PRR14: variants seen among roughly 807,000 people sequenced by gnomAD.
PRR14 encodes the protein proline-rich protein 14.
Under a neutral mutation model 57.2 loss-of-function variants are expected in PRR14, and 33 were observed. That is an observed-to-expected ratio of 0.58 (90% confidence interval 0.44 to 0.77). The LOEUF is 0.77. PRR14 is among the 30% of genes least tolerant of loss of function. PRR14 has a pLI of 0.00. For synonymous variants in PRR14, 303 were observed against 314.7 expected (o/e 0.96, Z 0.39); for missense variants, 716 against 788.1 (o/e 0.91, Z 1.10).
chr16:30,654,268 C>T lies in PRR14; in HGVS notation c.587C>T (p.Pro196Leu), dbSNP rs755543812. The change falls in exon 7 of 12, where the codon CCA (proline) becomes CTA (leucine). Residue 196 changes from proline (P) to leucine (L), a missense_variant. Transcript: ENST00000300835. ...PMRIVRQPTP[P>L]PGDLEPPFQP... is the part of the protein sequence containing the mutation. ...AGGATAGTTCGCCAGCCAACGCCTCCACCTGGGGACCTAGAACCCCCATTC... is the reference window on the plus strand; with the variant it reads ...AGGATAGTTCGCCAGCCAACGCCTCTACCTGGGGACCTAGAACCCCCATTC... The T allele has an allele frequency of 1.9e-6, 3 of 1,614,160 alleles. No individual in the cohort carries two copies. Among genetic ancestry groups the T allele is most frequent in the Admixed American group, 1.7e-5 (1 of 60,010 alleles).
chr16:30,650,855 A>G (rs1489247588), upstream of PRR14: 20 of 323,046 alleles, frequency 6.2e-5, no homozygotes, highest in Admixed American at 5.5e-4. Context: ...AGAGGGCGGG[A>G]GTGGGGGCGG....
Position 30,651,037 on chromosome 16 carries a change from G to C in PRR14, c.-141G>C, listed in dbSNP as rs542860580. On this transcript the variant is annotated 5_prime_UTR_variant, in exon 1 of 12. Transcript: ENST00000300835. This position sits in a 1 kb window ranked among gnomAD's most constrained non-coding sequence, Gnocchi z 5.0. ...GCTGAGTTCGGAGATGCTCCAGCTC[G>C]GGCCGCCCCTGTCTGAGCGGAGCTT... The C allele has an allele frequency of 5.0e-5, 23 of 456,384 alleles. No homozygotes were observed. The highest frequency in any genetic ancestry group is 1.0e-4 in the Non-Finnish European group (23 of 226,798). The allele number at this position is 456,384 out of a possible 1,614,324, so 28.3% of individuals were successfully genotyped here. A position where few individuals can be genotyped will look rare whatever the true frequency, so the allele number is the denominator to read the frequency against.
Position 30,655,720 on chromosome 16 carries a change from T to TAA in PRR14, c.1406+127_1406+128insAA, listed in dbSNP as rs1473774375. 7.8e-7 allele frequency: 1 copy of TAA among 1,282,482 alleles called. No individual in the cohort carries two copies. Among genetic ancestry groups the TAA allele is most frequent in the Non-Finnish European group, 1.1e-6 (1 of 886,042 alleles). The allele number at this position is 1,282,482 out of a possible 1,614,324, so 79.4% of individuals were successfully genotyped here. A position where few individuals can be genotyped will look rare whatever the true frequency, so the allele number is the denominator to read the frequency against. On this transcript the variant is annotated intron_variant, in intron 10 of 11. Coordinates refer to ENST00000300835, the MANE Select transcript of PRR14 (RefSeq NM_024031.5). The surrounding 1 kb of genome is among the most constrained non-coding windows in gnomAD (Gnocchi z 4.6). ...TGAAAGATTCAATTCGGTGTGGGGA[T>TAA]GGTTTGTGCTCAAAATTGCCTGTCT... is the stretch of plus-strand genomic sequence containing the variant.
At chr16:30,652,095 C>T (rs964874513) in intron 3 of PRR14, 131 bp downstream of exon 3, 3 of 1,042,338 alleles carry the variant, frequency 2.9e-6, no homozygotes, top group East Asian at 2.6e-5. Context: ...CAGGCAGCCT[C>T]CCTCATGGTA....
rs1182049556 is a variant in PRR14 at position 30,652,762 on chromosome 16, C to G, written c.234C>G (p.His78Gln). Residue 78 changes from histidine to glutamine, a missense_variant, in exon 4 of 12, where the codon CAC (histidine) becomes CAG (glutamine). Physicochemically the swap from His to Gln is conservative, Grantham distance 24 (BLOSUM62 0). Coordinates refer to ENST00000300835, the MANE Select transcript of PRR14 (RefSeq NM_024031.5). ...VPSKQTSIPQ[H>Q]HSYHQDPVHR... ...CAAAGCAGACCTCCATACCACAGCACCACAGCTACCATCAGGATCCTGTCC... is the reference window on the plus strand; with the variant it reads ...CAAAGCAGACCTCCATACCACAGCAGCACAGCTACCATCAGGATCCTGTCC... The G allele has an allele frequency of 1.2e-6, 2 of 1,614,110 alleles. No homozygotes were observed. Among genetic ancestry groups the G allele is most frequent in the African/African-American group, 2.7e-5 (2 of 74,942 alleles).
rs1196536763 is a variant in PRR14 at position 30,654,558 on chromosome 16, T to C, written c.659-71T>C. 7 of 1,290,540 alleles carry C rather than the reference T, an allele frequency of 5.4e-6. No homozygotes were observed. The South Asian group carries it at 9.5e-5, about 17-fold the overall frequency. 79.9% of individuals were successfully genotyped at this position (1,290,540 alleles called of 1,614,324 possible). On this transcript the variant is annotated intron_variant, in intron 7 of 11. Coordinates refer to ENST00000300835, the MANE Select transcript of PRR14 (RefSeq NM_024031.5). Reference sequence around the variant, plus strand: ...TGGGCTAATTCCCCTGTGCACAAAGTTGAGCATGTGGGGAGGGGCTGAGAC... The same window carrying C: ...TGGGCTAATTCCCCTGTGCACAAAGCTGAGCATGTGGGGAGGGGCTGAGAC...
In PRR14 at chr16:30,654,849, G is replaced by A. The variant is rs1213445155; in HGVS notation, c.879G>A (p.Gln293=). The change falls in exon 8 of 12, where the codon CAG becomes CAA. Residue 293 remains glutamine (Q), a synonymous_variant. Transcript: ENST00000300835. ...AGATCGCCATCTCAGAGGCCGAGCA[G>A]TCTGGGGCTGCTGAGGGCACTGCGT... ...ELKIAISEAE[Q]SGAAEGTASV... is the part of the protein sequence containing the mutation. 6.3e-7 allele frequency: 1 copy of A among 1,595,742 alleles called. No individual in the cohort carries two copies. Among genetic ancestry groups the A allele is most frequent in the Admixed American group, 1.7e-5 (1 of 58,728 alleles).
Position 30,652,819 on chromosome 16 carries a change from G to A in PRR14, c.291G>A (p.Gln97=). 1.2e-6 allele frequency: 2 copies of A among 1,614,220 alleles called. No individual in the cohort carries two copies. The highest frequency in any genetic ancestry group is 1.1e-5 in the South Asian group (1 of 91,088). The change falls in exon 4 of 12, where the codon CAG becomes CAA. Residue 97 remains glutamine, a synonymous_variant. Transcript: ENST00000300835. The stretch of plus-strand genomic sequence containing the variant: ...AGCCGCCTGCCTCGCCACCCCGGCA[G>A]GCCGGGTGGTCCTCGCAGGCCAGGT... ...HRQPPASPPR[Q]AGWSSQARPP... is the part of the protein sequence containing the mutation.
Position 30,652,964 on chromosome 16 carries a change from G to T in PRR14, c.365G>T (p.Arg122Leu). The T allele has an allele frequency of 1.2e-6, 2 of 1,614,126 alleles. No homozygotes were observed. Among genetic ancestry groups the T allele is most frequent in the Non-Finnish European group, 1.7e-6 (2 of 1,180,008 alleles). The change falls in exon 5 of 12, where the codon CGG (arginine) becomes CTG (leucine). Residue 122 changes from arginine to leucine, a missense_variant. Physicochemically the swap from Arg to Leu is moderately radical, Grantham distance 102. Transcript: ENST00000300835. ...LCREPLSRIH[R>L]TSSTLRRRSR... The stretch of plus-strand genomic sequence containing the variant: ...CGCGAGCCCTTGAGCCGCATCCACC[G>T]GACCTCTTCCACCCTGAGGCGGCGA...
In PRR14 at chr16:30,655,178, C is replaced by T. The variant is rs1437351705; in HGVS notation, c.1208C>T (p.Thr403Met). The change falls in exon 8 of 12, where the codon ACG becomes ATG. Residue 403 changes from threonine to methionine, a missense_variant. Coordinates refer to ENST00000300835, the MANE Select transcript of PRR14 (RefSeq NM_024031.5). This position sits in a 1 kb window ranked among gnomAD's most constrained non-coding sequence, Gnocchi z 4.6. ...TCTCTCACCACATCTTGCTCGTCCA[C>T]GGCATCCACTTCCTTCTCCGAACCA... The part of the protein sequence containing the change: ...SPSLTTSCSS[T>M]ASTSFSEPAE... 7 of 1,599,356 alleles carry T rather than the reference C, an allele frequency of 4.4e-6. No homozygotes were observed. Among genetic ancestry groups the T allele is most frequent in the South Asian group, 1.1e-5 (1 of 90,258 alleles).
At chr16:30,654,587 G>A in intron 7 of PRR14, 42 bp from the exon 8 acceptor site, 1 of 1,473,122 alleles carries the variant, frequency 6.8e-7, no homozygotes, top group Non-Finnish European at 9.3e-7. Flanking sequence ...CTGAGACACT[G>A]CAGCCAAGGA....
In PRR14 at chr16:30,651,279, G is replaced by T. The variant is rs1000854182; in HGVS notation, c.-51+152G>T. 1.2e-5 allele frequency: 4 copies of T among 335,546 alleles called. No homozygotes were observed. The highest frequency in any genetic ancestry group is 6.4e-5 in the African/African-American group (3 of 46,744). The allele number at this position is 335,546 out of a possible 1,614,324, so 20.8% of individuals were successfully genotyped here. ...AGCGGAAATAGCCTCCCAGGACCGG[G>T]ATCCCCGTGGATCCCGGGGGATCTC... On this transcript the variant is annotated intron_variant, in intron 1 of 11. Transcript: ENST00000300835. This position sits in a 1 kb window ranked among gnomAD's most constrained non-coding sequence, Gnocchi z 5.0.
Position 30,651,377 on chromosome 16 carries a change from G to T in PRR14, c.-50-219G>T. 2.1e-6 allele frequency: 1 copy of T among 470,124 alleles called. No homozygotes were observed. Among genetic ancestry groups the T allele is most frequent in the Non-Finnish European group, 3.8e-6 (1 of 263,248 alleles). The allele number at this position is 470,124 out of a possible 1,614,324, so 29.1% of individuals were successfully genotyped here. A position where few individuals can be genotyped will look rare whatever the true frequency, so the allele number is the denominator to read the frequency against. ...GAGAACTGGGGCCGCTGCATTCTGG[G>T]TTCTGGCGGCAGGTGCCAGGCAGGG... On this transcript the variant is annotated intron_variant, in intron 1 of 11. Transcript: ENST00000300835. This position sits in a 1 kb window ranked among gnomAD's most constrained non-coding sequence, Gnocchi z 5.0.
At chr16:30,654,538 T>C (rs2052345683) in intron 7 of PRR14, 91 bp from the exon 8 acceptor site, 1 of 1,129,498 alleles carries the variant, frequency 8.9e-7, no homozygotes, top group Non-Finnish European at 1.3e-6. Context: ...AAGGGTGGGC[T>C]AATTCCCCTG....
In PRR14 at chr16:30,655,149, C is replaced by T. The variant is rs1250723833; in HGVS notation, c.1179C>T (p.Ser393=). The stretch of plus-strand genomic sequence containing the variant: ...TCCCTCTCGGAGGAGTGGGAGCCTC[C>T]CCTTCTCTCACCACATCTTGCTCGT... ...EVFPLGGVGA[S]PSLTTSCSST... Residue 393 remains serine, a synonymous_variant, in exon 8 of 12, where the codon TCC becomes TCT. Transcript: ENST00000300835. This position sits in a 1 kb window ranked among gnomAD's most constrained non-coding sequence, Gnocchi z 4.6. 15 of 1,608,994 alleles carry T rather than the reference C, an allele frequency of 9.3e-6. No individual in the cohort carries two copies. Among genetic ancestry groups the T allele is most frequent in the Non-Finnish European group, 1.3e-5 (15 of 1,178,350 alleles).
rs1030060398 is a variant in PRR14 at position 30,656,067 on chromosome 16, G to A, written c.1514G>A (p.Arg505His). The A allele has an allele frequency of 1.5e-5, 23 of 1,551,064 alleles. No homozygotes were observed. Among genetic ancestry groups the A allele is most frequent in the African/African-American group, 5.5e-5 (4 of 72,672 alleles). The change falls in exon 12 of 12, where the codon CGC (arginine) becomes CAC (histidine). Residue 505 changes from arginine (R) to histidine (H), a missense_variant. Transcript: ENST00000300835. ...FETIFEEPRE[R>H]NGTLIFTSSR... ...ACCATCTTTGAGGAACCCCGGGAGC[G>A]CAATGGGACTCTGATTTTCACCAGC... is the stretch of plus-strand genomic sequence containing the variant.
At position 30,655,337 on chromosome 16, in the gene PRR14, G is replaced by A. The variant is rs775858963; in HGVS notation, c.1245-14G>A. The A allele has an allele frequency of 1.2e-6, 2 of 1,613,896 alleles. No individual in the cohort carries two copies. The stretch of plus-strand genomic sequence containing the variant: ...TGAATCCTGTTTGTCCCTGAGCCTT[G>A]ACCTTCTTGGCAGGTTGGGTTCAAC... On this transcript the variant is annotated splice_polypyrimidine_tract_variant and intron_variant, in intron 8 of 11. Coordinates refer to ENST00000300835, the MANE Select transcript of PRR14 (RefSeq NM_024031.5). The surrounding 1 kb of genome is among the most constrained non-coding windows in gnomAD (Gnocchi z 4.6).
rs759352643 is a variant in PRR14, at chr16:30,655,547, C to G, written c.1360C>G (p.Arg454Gly). ...SRFRIRRTPA[R>G]PQLNLTPMGL... ...ATTCAGAATACGCAGAACACCAGCC[C>G]GTCCTCAGCTAAACCTTACACCAAT... is the stretch of plus-strand genomic sequence containing the variant. Residue 454 changes from arginine (R) to glycine (G), a missense_variant, in exon 10 of 12, where the codon CGT becomes GGT. Physicochemically the swap from Arg to Gly is moderately radical, Grantham distance 125. Coordinates refer to ENST00000300835, the MANE Select transcript of PRR14 (RefSeq NM_024031.5). The surrounding 1 kb of genome is among the most constrained non-coding windows in gnomAD (Gnocchi z 4.6). 15 of 1,614,198 alleles carry G rather than the reference C, an allele frequency of 9.3e-6. No homozygotes were observed. In the East Asian group the frequency reaches 3.3e-4, roughly 36 times the overall value.
chr16:30,653,695 T>C, intron 6 of PRR14, among the ~76,000 whole-genome samples: 1 of 152,112 alleles, frequency 6.6e-6, no homozygotes, highest in East Asian at 1.9e-4. Context: ...AGATGGAGTT[T>C]TTGCTCTGTT....
Sources: allele counts gnomAD v4.1 joint callset (sites outside exome capture counted in the v4.1 genomes callset), GRCh38; gene constraint gnomAD v4.1.1; non-coding constraint Gnocchi (gnomAD v3.1); transcripts MANE v1.5; gene names NCBI Gene and HGNC (gene_info 2026-07-23, HGNC 2026-07-21).